ELMO1: variants seen among roughly 807,000 people sequenced by gnomAD.
ELMO1 encodes engulfment and cell motility 1.
A neutral mutation model predicts 98.9 loss-of-function variants in ELMO1; 26 were observed. The ratio of observed to expected loss-of-function variants is 0.26; its 90% confidence interval spans 0.19 to 0.36. The LOEUF (loss-of-function observed/expected upper bound fraction) is 0.36. ELMO1 is among the 10% of genes least tolerant of loss of function. The pLI, the probability that ELMO1 is intolerant of heterozygous loss-of-function variation, is 1.00. For missense variants in ELMO1, 627 were observed against 935.2 expected (o/e 0.67, Z 4.30); for synonymous variants, 346 against 346.0 (o/e 1.00, Z 0.00).
intron 16 of ELMO1, among the ~76,000 whole-genome samples, chr7:36,909,171 A>G (rs1784170589): frequency 6.6e-6 from 1 of 152,250 alleles, no homozygotes; most frequent in Non-Finnish European, 1.5e-5. Flanking sequence ...AATGAATGCT[A>G]TTGCACTAAG....
intron 16 of ELMO1, among the ~76,000 whole-genome samples, chr7:37,000,114 C>A (rs1479008277): frequency 6.6e-5 from 10 of 152,180 alleles, no homozygotes; most frequent in Non-Finnish European, 1.3e-4. Context: ...GAACCTTTTT[C>A]AAACACACGT....
At chr7:37,400,389 C>A (rs1193904330) in intron 1 of ELMO1, among the ~76,000 whole-genome samples, 1 of 152,134 alleles carries the variant, frequency 6.6e-6, no homozygotes, top group Non-Finnish European at 1.5e-5. Context: ...AAAAAAAAGT[C>A]AGCTTCACCC....
rs552319603 is a variant in ELMO1 at position 37,062,600 on chromosome 7, A to G, written c.1300+34019T>C. Among the ~76,000 whole-genome samples the G allele has an allele frequency of 2.0e-5, 3 of 152,316 alleles. No individual in the cohort carries two copies. In the South Asian group the frequency reaches 6.2e-4, roughly 32 times the overall value. On this transcript the variant is annotated intron_variant, in intron 15 of 21. Transcript: ENST00000310758. The stretch of plus-strand genomic sequence containing the variant: ...TAATCCATCTACAAAGGGAAAAGGA[A>G]ATGAAAGTGGGGAAAGGGATAAATA...
At chr7:37,206,871 G>A (rs926071025) in intron 13 of ELMO1, among the ~76,000 whole-genome samples, 3 of 151,350 alleles carry the variant, frequency 2.0e-5, no homozygotes, top group African/African-American at 7.3e-5. Context: ...TCAAGATAAA[G>A]GAAAGGAAAA....
chr7:36,865,811 T>C (rs1169122829), intron 20 of ELMO1, among the ~76,000 whole-genome samples: 1 of 152,242 alleles, frequency 6.6e-6, no homozygotes, highest in Non-Finnish European at 1.5e-5. Context: ...GGCCAGGTCA[T>C]ATTTATCTTT....
rs373278708 is a variant in ELMO1 at position 37,204,472 on chromosome 7, G to A, written c.1086+6914C>T. Among the ~76,000 whole-genome samples, 172 of 152,238 alleles carry A rather than the reference G, an allele frequency of 1.1e-3. 1 individual carries two copies. The highest frequency in any genetic ancestry group is 3.9e-3 in the African/African-American group (160 of 41,526). ...TTCAGGAATGAAGCTGCAGACCTTC[G>A]CGGTGAGTGTTACACCTCATAAAGG... is the stretch of plus-strand genomic sequence containing the variant. On this transcript the variant is annotated intron_variant, in intron 13 of 21. Transcript: ENST00000310758.
rs548534537 is a variant in ELMO1 at position 37,160,470 on chromosome 7, C to G, written c.1087-27236G>C. Among the ~76,000 whole-genome samples the G allele has an allele frequency of 3.9e-4, 59 of 152,248 alleles. 1 individual carries two copies. In the South Asian group the frequency reaches 5.8e-3, roughly 15 times the overall value. Reference sequence around the variant, plus strand: ...AAATAGCATGCTTTTCCTTCTTATTCCCCCTTTTCCTTCCTGTTTCCCCAC... The same window carrying G: ...AAATAGCATGCTTTTCCTTCTTATTGCCCCTTTTCCTTCCTGTTTCCCCAC... On this transcript the variant is annotated intron_variant, in intron 13 of 21. Coordinates refer to ENST00000310758, the MANE Select transcript of ELMO1 (RefSeq NM_014800.11).
chr7:36,972,715 T>C (rs1790077437), intron 16 of ELMO1, among the ~76,000 whole-genome samples: 1 of 152,212 alleles, frequency 6.6e-6, no homozygotes, highest in African/African-American at 2.4e-5. Flanking sequence ...TAAGACCCTA[T>C]CTCCAAATAA....
chr7:36,963,539 C>T (rs1324237846), intron 16 of ELMO1, among the ~76,000 whole-genome samples: 1 of 152,130 alleles, frequency 6.6e-6, no homozygotes, highest in South Asian at 2.1e-4. Context: ...GAGATAAATA[C>T]CAAAATACCT....
At chr7:37,113,416 T>C (rs1785373978) in intron 14 of ELMO1, among the ~76,000 whole-genome samples, 1 of 152,148 alleles carries the variant, frequency 6.6e-6, no homozygotes, top group Non-Finnish European at 1.5e-5. Context: ...TAAGAAACAT[T>C]AAATTTTGAG....
intron 20 of ELMO1, chr7:36,862,015 A>C (rs1297085185): frequency 2.4e-6 from 1 of 413,114 alleles, no homozygotes; most frequent in East Asian, 3.9e-5. Context: ...GAGAGGCTCA[A>C]TGAGTGTCCA....
chr7:37,188,593 C>T (rs1422326478), intron 13 of ELMO1, among the ~76,000 whole-genome samples: 2 of 150,742 alleles, frequency 1.3e-5, no homozygotes, highest in East Asian at 1.9e-4. Context: ...AGAGAAAAGG[C>T]ATCTTAAGAG....
chr7:37,261,755 C>T (rs907953252), intron 5 of ELMO1, among the ~76,000 whole-genome samples: 1 of 152,132 alleles, frequency 6.6e-6, no homozygotes, highest in South Asian at 2.1e-4. Flanking sequence ...AGTTCTTGCA[C>T]CATGCCTGGC....
chr7:37,378,172 T>C (rs946846950), intron 1 of ELMO1, among the ~76,000 whole-genome samples: 1 of 152,158 alleles, frequency 6.6e-6, no homozygotes, highest in African/African-American at 2.4e-5. Flanking sequence ...CCACTGAAGC[T>C]TCTATGGTCC....
At chr7:37,424,130 T>C (rs1308321419) in intron 1 of ELMO1, among the ~76,000 whole-genome samples, 1 of 152,190 alleles carries the variant, frequency 6.6e-6, no homozygotes, top group African/African-American at 2.4e-5. Context: ...CAACAGATCA[T>C]CATTTCCTCC....
chr7:37,002,270 T>A (rs1472197448), intron 16 of ELMO1: 2 of 152,240 alleles, frequency 1.3e-5, no homozygotes, highest in African/African-American at 4.8e-5. Flanking sequence ...TTCACATCCA[T>A]GCACATCTCA....
At chr7:37,012,937 G>A (rs1400200404) in intron 16 of ELMO1, among the ~76,000 whole-genome samples, 1 of 152,194 alleles carries the variant, frequency 6.6e-6, no homozygotes, top group Non-Finnish European at 1.5e-5. Flanking sequence ...TGGACAGGTG[G>A]AGGGAAGGCC....
intron 16 of ELMO1, among the ~76,000 whole-genome samples, chr7:36,941,328 G>A (rs1294486807): frequency 6.6e-6 from 1 of 152,222 alleles, no homozygotes; most frequent in African/African-American, 2.4e-5. Flanking sequence ...GTCAAGAGCT[G>A]AGAACACTAA....
chr7:37,217,667 A>T (rs767263324), intron 10 of ELMO1: 1 of 456,780 alleles, frequency 2.2e-6, no homozygotes, highest in Non-Finnish European at 4.4e-6. Flanking sequence ...AGCACAGGAG[A>T]GCAGGGCCCA....
Sources: gnomAD v4.1 joint callset for allele counts (sites outside exome capture counted in the v4.1 genomes callset) on GRCh38, gnomAD v4.1.1 for gene constraint, MANE v1.5 for transcripts, NCBI Gene and HGNC (gene_info 2026-07-23, HGNC 2026-07-21) for gene names.